The following SIPA1L1 variants were observed in gnomAD, a reference collection of about 807,000 sequenced individuals.
SIPA1L1 encodes the protein signal-induced proliferation-associated 1-like protein 1.
SIPA1L1 carries 26 observed loss-of-function variants against 162.7 expected under a neutral mutation model. That is an observed-to-expected ratio of 0.16 (90% CI 0.12 to 0.22). The LOEUF is 0.22. SIPA1L1 is among the 10% of genes least tolerant of loss of function. The pLI is 1.00. For missense variants in SIPA1L1, 1,874 were observed against 2,241.0 expected (o/e 0.84, Z 3.31); for synonymous variants, 829 against 837.4 (o/e 0.99, Z 0.17).
At chr14:71,618,572 C>A (rs1290461553) in intron 5 of SIPA1L1, among the ~76,000 whole-genome samples, 185 bp from the exon 6 acceptor site, 1 of 152,154 alleles carries the variant, frequency 6.6e-6, no homozygotes, top group Non-Finnish European at 1.5e-5. Context: ...GTTATCTTCT[C>A]TGGAACTAAA....
In SIPA1L1 at chr14:71,675,346, C is replaced by A. The variant is rs187534318; in HGVS notation, c.3104+2724C>A. 2.3e-3 allele frequency among the ~76,000 whole-genome samples: 356 copies of A among 152,248 alleles called. 3 individuals carry two copies. Among genetic ancestry groups the A allele is most frequent in the African/African-American group, 7.9e-3 (329 of 41,546 alleles). The stretch of plus-strand genomic sequence containing the variant: ...CAGCCTGGAGGGAGACACAGGGCCC[C>A]TTTCACTACAGTTTCCATCTGAAAA... On this transcript the variant is annotated intron_variant, in intron 12 of 23. Transcript: ENST00000381232.
intron 5 of SIPA1L1, among the ~76,000 whole-genome samples, chr14:71,613,210 A>G (rs2038425529): frequency 6.6e-6 from 1 of 152,206 alleles, no homozygotes; most frequent in African/African-American, 2.4e-5. Context: ...TTATGGGAAC[A>G]TAATATTGTG....
At chr14:71,342,441 C>G in intron 2 of SIPA1L1, among the ~76,000 whole-genome samples, 1 of 152,068 alleles carries the variant, frequency 6.6e-6, no homozygotes, top group East Asian at 1.9e-4. Flanking sequence ...ACATTCCCAC[C>G]AACAGTGTAT....
At chr14:71,526,614 C>G (rs959077333) in intron 3 of SIPA1L1, among the ~76,000 whole-genome samples, 1 of 152,040 alleles carries the variant, frequency 6.6e-6, no homozygotes, top group Non-Finnish European at 1.5e-5. Flanking sequence ...CAGCCAAGCC[C>G]GTATTGTCTA....
In SIPA1L1 at chr14:71,587,859, C is replaced by G; in HGVS notation, c.-14C>G. On this transcript the variant is annotated 5_prime_UTR_variant, in exon 5 of 24. Transcript: ENST00000381232. ...TCCTTGCTGCAGGGATTTAAGTCTA[C>G]TTGCTTTTACATCATGACCAGCTTG... The G allele has an allele frequency of 1.3e-6, 2 of 1,592,784 alleles. No homozygotes were observed. Among genetic ancestry groups the G allele is most frequent in the Non-Finnish European group, 1.7e-6 (2 of 1,163,470 alleles).
intron 7 of SIPA1L1, among the ~76,000 whole-genome samples, chr14:71,640,397 A>T (rs2041590823): frequency 6.6e-6 from 1 of 152,234 alleles, no homozygotes; most frequent in Non-Finnish European, 1.5e-5. Context: ...GTAGTCTATC[A>T]AGATTAACAA....
At chr14:71,384,702 A>G (rs1045693477) in intron 2 of SIPA1L1, among the ~76,000 whole-genome samples, 8 of 152,168 alleles carry the variant, frequency 5.3e-5, no homozygotes, top group East Asian at 1.9e-4. Context: ...GTAAACTGCT[A>G]TTGAAATATG....
At chr14:71,439,922 C>G (rs1001335704) in intron 2 of SIPA1L1, among the ~76,000 whole-genome samples, 4 of 152,306 alleles carry the variant, frequency 2.6e-5, no homozygotes, top group East Asian at 1.9e-4. Context: ...TTAGAAGCCA[C>G]TCCCTATTAA....
intron 2 of SIPA1L1, among the ~76,000 whole-genome samples, chr14:71,328,389 C>T (rs1222879684): frequency 6.6e-6 from 1 of 152,134 alleles, no homozygotes; most frequent in Non-Finnish European, 1.5e-5. Context: ...AACCTTGAGG[C>T]TTTTCTCCTG....
At chr14:71,631,722 A>G (rs919069627) in intron 7 of SIPA1L1, among the ~76,000 whole-genome samples, 2 of 152,186 alleles carry the variant, frequency 1.3e-5, no homozygotes, top group Non-Finnish European at 1.5e-5. Context: ...TTTTCTTTTT[A>G]CAACTTTACT....
intron 4 of SIPA1L1, among the ~76,000 whole-genome samples, chr14:71,562,615 T>G (rs768882521): frequency 6.6e-6 from 1 of 152,202 alleles, no homozygotes; most frequent in Non-Finnish European, 1.5e-5. Context: ...CCAGAATTCG[T>G]TGGATAACCT....
At chr14:71,399,578 G>T (rs1226066500) in intron 2 of SIPA1L1, among the ~76,000 whole-genome samples, 1 of 152,004 alleles carries the variant, frequency 6.6e-6, no homozygotes, top group African/African-American at 2.4e-5. Context: ...CTAGGTTTTA[G>T]AATTTTATTT....
chr14:71,332,735 C>CTTCA (rs750939857), intron 2 of SIPA1L1, among the ~76,000 whole-genome samples: 5 of 152,136 alleles, frequency 3.3e-5, no homozygotes, highest in Admixed American at 1.3e-4. Context: ...CCTTCTGCAT[C>CTTCA]TTCATTCATT....
chr14:71,608,174 G>T (rs1255023899), intron 5 of SIPA1L1, among the ~76,000 whole-genome samples: 1 of 152,206 alleles, frequency 6.6e-6, no homozygotes, highest in Non-Finnish European at 1.5e-5. Context: ...AGAGAAGCAT[G>T]AGCAGAAGCC....
intron 2 of SIPA1L1, among the ~76,000 whole-genome samples, chr14:71,390,964 G>A (rs2040697442): frequency 6.6e-6 from 1 of 151,868 alleles, no homozygotes; most frequent in Non-Finnish European, 1.5e-5. Flanking sequence ...TTAAATATAT[G>A]TATCTAATTC....
intron 2 of SIPA1L1, among the ~76,000 whole-genome samples, chr14:71,397,313 C>CCAA (rs1332328036): frequency 6.6e-6 from 1 of 152,124 alleles, no homozygotes; most frequent in Non-Finnish European, 1.5e-5. Flanking sequence ...GTCTCCCTTA[C>CCAA]ATTCATTTCT....
Position 71,625,332 on chromosome 14 carries a change from ACT to A in SIPA1L1, c.1818+1099_1818+1100del, listed in dbSNP as rs529770552. On this transcript the variant is annotated intron_variant, in intron 7 of 23. Coordinates refer to ENST00000381232, the MANE Select transcript of SIPA1L1 (RefSeq NM_001386936.1). ...TTTTTTTTTTTCTGGAGACAGTTTC[ACT>A]CTGTCACCCAGGCGGAGTGCAGTGG... is the stretch of plus-strand genomic sequence containing the variant. Among the ~76,000 whole-genome samples the A allele has an allele frequency of 8.4e-4, 118 of 140,330 alleles. 1 individual carries two copies. In the East Asian group the frequency reaches 0.016, roughly 20 times the overall value. 92.1% of individuals were successfully genotyped at this position (140,330 alleles called of 152,430 possible). A position where few individuals can be genotyped will look rare whatever the true frequency, so the allele number is the denominator to read the frequency against.
At chr14:71,356,239 C>G (rs2037225273) in intron 2 of SIPA1L1, among the ~76,000 whole-genome samples, 1 of 151,660 alleles carries the variant, frequency 6.6e-6, no homozygotes, top group African/African-American at 2.4e-5. Flanking sequence ...TTTTTAAATT[C>G]TATATTGGGA....
intron 2 of SIPA1L1, among the ~76,000 whole-genome samples, chr14:71,378,969 C>G (rs1244029812): frequency 6.6e-6 from 1 of 152,114 alleles, no homozygotes; most frequent in African/African-American, 2.4e-5. Flanking sequence ...TGGGCCCTGC[C>G]ATTTCAATGG....
Sources: allele counts gnomAD v4.1 joint callset (sites outside exome capture counted in the v4.1 genomes callset), GRCh38; gene constraint gnomAD v4.1.1; transcripts MANE v1.5; gene names NCBI Gene and HGNC (gene_info 2026-07-23, HGNC 2026-07-21).